Variants in AP3S2 observed in about 807,000 individuals in gnomAD.
AP3S2 encodes adaptor related protein complex 3 subunit sigma 2, also known as AP-3 complex subunit sigma-2.
Under a neutral mutation model 23.4 loss-of-function variants are expected in AP3S2, and 22 were observed. That is an observed-to-expected ratio of 0.94 (90% CI 0.67 to 1.34). The LOEUF is 1.34. Ranked by LOEUF, AP3S2 falls within the 40% of genes most tolerant of loss-of-function variation. The probability of loss-of-function intolerance (pLI) is 0.00; values close to 1 mark genes in which losing one functional copy is unlikely to be tolerated. For missense variants in AP3S2, 241 were observed against 236.9 expected, an observed-to-expected ratio of 1.02 and a Z score of -0.11; for synonymous variants, 86 against 87.1, an observed-to-expected ratio of 0.99 and a Z score of 0.07.
At chr15:89,888,428 AAGG>A (rs370667289) in intron 3 of AP3S2, 90 bp downstream of exon 3, 60 of 1,232,544 alleles carry the variant, frequency 4.9e-5, no homozygotes, top group Middle Eastern at 3.9e-4. Context: ...TAGTATCAAT[AAGG>A]AGATGGACAC....
In AP3S2 at chr15:89,893,934, G is replaced by A; in HGVS notation, c.16C>T (p.Leu6=). 1 of 1,551,600 alleles carries A rather than the reference G, an allele frequency of 6.4e-7. No individual in the cohort carries two copies. Among genetic ancestry groups the A allele is most frequent in the Non-Finnish European group, 8.7e-7 (1 of 1,146,978 alleles). Reference sequence around the variant, plus strand: ...GGCTTCCCATGGTTGTTGAAAACCAGAATCGCCTGAATCATCTTTGCCAGC... The same window carrying A: ...GGCTTCCCATGGTTGTTGAAAACCAAAATCGCCTGAATCATCTTTGCCAGC... MIQAI[L]VFNNHGKPRL... is the part of the protein sequence containing the mutation. Residue 6 remains leucine (L), a synonymous_variant, in exon 1 of 6, where the codon CTG becomes TTG. Coordinates refer to ENST00000336418, the MANE Select transcript of AP3S2 (RefSeq NM_005829.5).
At chr15:89,861,004 G>C (rs1264912264) in intron 4 of AP3S2, among the ~76,000 whole-genome samples, 5 of 152,120 alleles carry the variant, frequency 3.3e-5, no homozygotes, top group African/African-American at 1.2e-4. Context: ...TCCATTCCTG[G>C]AGACCTGCAG....
Position 89,893,692 on chromosome 15 carries a change from T to C in AP3S2, c.69+189A>G. ...AAAAGGGTCAGCGAGAGCGGGGCAG[T>C]AGGGCGGGAGACAGAAGGCCTGGCA... On this transcript the variant is annotated intron_variant, in intron 1 of 5. Transcript: ENST00000336418. 4 of 582,356 alleles carry C rather than the reference T, an allele frequency of 6.9e-6. No individual in the cohort carries two copies. In the East Asian group the frequency reaches 9.0e-5, roughly 13 times the overall value. The allele number at this position is 582,356 out of a possible 1,614,324, so 36.1% of individuals were successfully genotyped here.
chr15:89,842,055 C>T (rs115778724), intron 4 of AP3S2, among the ~76,000 whole-genome samples: 142 of 151,562 alleles, frequency 9.4e-4, no homozygotes, highest in African/African-American at 2.2e-3. Flanking sequence ...GGTAGGGAGA[C>T]GAGAAGAGAA....
Position 89,833,623 on chromosome 15 carries a change from T to C in AP3S2, c.*1892A>G, listed in dbSNP as rs1268553541. On this transcript the variant is annotated 3_prime_UTR_variant, in exon 6 of 6. Transcript: ENST00000336418. ...AGCAAATGTGAGAGAAATGTGAATG[T>C]ACTGAAATGTCTGCCAGAAAAAAGA... is the stretch of plus-strand genomic sequence containing the variant. 6.6e-6 allele frequency: 1 copy of C among 152,240 alleles called. No individual in the cohort carries two copies. Among genetic ancestry groups the C allele is most frequent in the Non-Finnish European group, 1.5e-5 (1 of 68,032 alleles). 9.4% of individuals were successfully genotyped at this position (152,240 alleles called of 1,614,324 possible). A position where few individuals can be genotyped will look rare whatever the true frequency, so the allele number is the denominator to read the frequency against.
chr15:89,891,888 A>G (rs1896829382), intron 1 of AP3S2, among the ~76,000 whole-genome samples: 2 of 152,224 alleles, frequency 1.3e-5, no homozygotes, highest in Admixed American at 1.3e-4. Flanking sequence ...ACTCCTAGGT[A>G]TATAACCAAG....
chr15:89,867,660 C>G (rs994683767), intron 4 of AP3S2, among the ~76,000 whole-genome samples: 1 of 135,702 alleles, frequency 7.4e-6, no homozygotes, highest in African/African-American at 2.8e-5. Flanking sequence ...GCCTCTGCCC[C>G]GCCGCCCCAT....
intron 4 of AP3S2, among the ~76,000 whole-genome samples, chr15:89,855,827 G>A (rs553731065): frequency 1.7e-4 from 24 of 145,070 alleles, no homozygotes; most frequent in African/African-American, 6.1e-4. Flanking sequence ...TCCAGCCTGG[G>A]CAACAAGAGG....
chr15:89,854,516 A>C (rs1230143144), intron 4 of AP3S2, among the ~76,000 whole-genome samples: 3 of 53,736 alleles, frequency 5.6e-5, no homozygotes, highest in South Asian at 9.9e-4. Flanking sequence ...TCCGGGAGGG[A>C]GGTGGGGGGG....
chr15:89,847,000 C>T (rs1895509982), intron 4 of AP3S2, among the ~76,000 whole-genome samples: 1 of 152,142 alleles, frequency 6.6e-6, no homozygotes, highest in African/African-American at 2.4e-5. Flanking sequence ...ATGCTATCAC[C>T]TCATCCTCCA....
At chr15:89,889,434 A>C in intron 1 of AP3S2, 1 of 299,330 alleles carries the variant, frequency 3.3e-6, no homozygotes. Context: ...ACATTGATAA[A>C]CTCTCATACA....
chr15:89,851,019 A>C (rs1269879745), intron 4 of AP3S2, among the ~76,000 whole-genome samples: 4 of 143,160 alleles, frequency 2.8e-5, no homozygotes, highest in Non-Finnish European at 6.4e-5. Context: ...CACTAAAAGA[A>C]CATAATCTCT....
chr15:89,848,379 G>C (rs1394577777), intron 4 of AP3S2, among the ~76,000 whole-genome samples: 1 of 152,202 alleles, frequency 6.6e-6, no homozygotes, highest in Non-Finnish European at 1.5e-5. Flanking sequence ...CTTTTTATTT[G>C]ATACAGAGTC....
chr15:89,844,332 C>T (rs1304024793), intron 4 of AP3S2, among the ~76,000 whole-genome samples: 9 of 101,380 alleles, frequency 8.9e-5, no homozygotes, highest in African/African-American at 1.2e-4. Context: ...TCCTTCCTTC[C>T]TTCTTTCTTT....
Position 89,893,693 on chromosome 15 carries a change from AG to A in AP3S2, c.69+187del, listed in dbSNP as rs1309746393. On this transcript the variant is annotated intron_variant, in intron 1 of 5. Transcript: ENST00000336418. The stretch of plus-strand genomic sequence containing the variant: ...AAAGGGTCAGCGAGAGCGGGGCAGT[AG>A]GGCGGGAGACAGAAGGCCTGGCACC... The A allele has an allele frequency of 1.5e-5, 9 of 584,152 alleles. No homozygotes were observed. In the East Asian group the frequency reaches 2.7e-4, roughly 18 times the overall value. The allele number at this position is 584,152 out of a possible 1,614,324, so 36.2% of individuals were successfully genotyped here.
Position 89,830,790 on chromosome 15 carries a change from G to C in AP3S2, c.*4725C>G, listed in dbSNP as rs909136514. 2.0e-5 allele frequency: 3 copies of C among 152,528 alleles called. No homozygotes were observed. The highest frequency in any genetic ancestry group is 7.2e-5 in the African/African-American group (3 of 41,460). 9.4% of individuals were successfully genotyped at this position (152,528 alleles called of 1,614,324 possible). A position where few individuals can be genotyped will look rare whatever the true frequency, so the allele number is the denominator to read the frequency against. On this transcript the variant is annotated 3_prime_UTR_variant, in exon 6 of 6. Coordinates refer to ENST00000336418, the MANE Select transcript of AP3S2 (RefSeq NM_005829.5). Reference sequence around the variant, plus strand: ...GCCATGGGAAAGGTACGCTGAGCAAGGGCGGGCAGTGCCAGGGCTGGGGTG... The same window carrying C: ...GCCATGGGAAAGGTACGCTGAGCAACGGCGGGCAGTGCCAGGGCTGGGGTG...
intron 1 of AP3S2, 145 bp downstream of exon 1, chr15:89,893,736 A>T: frequency 2.7e-6 from 2 of 747,218 alleles, no homozygotes; most frequent in Non-Finnish European, 4.3e-6. Flanking sequence ...CGCCTAGATT[A>T]AATGCTTAAG....
chr15:89,886,580 T>C (rs1458864289), intron 3 of AP3S2: 1 of 152,218 alleles, frequency 6.6e-6, no homozygotes, highest in East Asian at 1.9e-4. Context: ...TATATGCTGC[T>C]GAGGCAAGCA....
intron 3 of AP3S2, among the ~76,000 whole-genome samples, chr15:89,885,552 C>G (rs1479307572): frequency 2.0e-5 from 3 of 152,164 alleles, no homozygotes; most frequent in Non-Finnish European, 4.4e-5. Flanking sequence ...GGTAGTATAA[C>G]TATGTATATA....
Sources: gnomAD v4.1 joint callset for allele counts (sites outside exome capture counted in the v4.1 genomes callset) on GRCh38, gnomAD v4.1.1 for gene constraint, MANE v1.5 for transcripts, NCBI Gene and HGNC (gene_info 2026-07-23, HGNC 2026-07-21) for gene names.